The following KPNA5 variants were observed in gnomAD, a reference collection of about 807,000 sequenced individuals.
The protein encoded by KPNA5 is importin subunit alpha-6.
In KPNA5, 46 loss-of-function variants were observed where a neutral mutation model predicts 71.3. The observed-to-expected ratio is 0.65, with a 90% CI of 0.51 to 0.83. The LOEUF (loss-of-function observed/expected upper bound fraction) is 0.83. Ranked by LOEUF, KPNA5 falls within the 40% of genes least tolerant of loss-of-function variation. The pLI, the probability that KPNA5 is intolerant of heterozygous loss-of-function variation, is 0.00. For synonymous variants in KPNA5, 207 were observed against 201.4 expected (o/e 1.03, Z -0.24); for missense variants, 547 against 628.3 (o/e 0.87, Z 1.38).
At chr6:116,683,896 C>CTTTTTTTTTTTT (rs140446065) in intron 1 of KPNA5, among the ~76,000 whole-genome samples, 1 of 59,608 alleles carries the variant, frequency 1.7e-5, no homozygotes, top group Non-Finnish European at 3.6e-5. Flanking sequence ...CGTGCCCGGC[C>CTTTTTTTTTTTT]TTTTTTTTTT....
chr6:116,682,319 T>C (rs1777394634), intron 1 of KPNA5, among the ~76,000 whole-genome samples: 1 of 152,134 alleles, frequency 6.6e-6, no homozygotes, highest in South Asian at 2.1e-4. Flanking sequence ...AGAGCGAGAC[T>C]CTGTCTCAAA....
chr6:116,722,521 G>A (rs1779147478), intron 9 of KPNA5, among the ~76,000 whole-genome samples: 1 of 152,148 alleles, frequency 6.6e-6, no homozygotes, highest in Non-Finnish European at 1.5e-5. Flanking sequence ...TTAGTTTAAT[G>A]TGATCTCTTT....
At chr6:116,707,220 A>G (rs1338400592) in intron 7 of KPNA5, among the ~76,000 whole-genome samples, 2 of 152,126 alleles carry the variant, frequency 1.3e-5, no homozygotes, top group Admixed American at 1.3e-4. Context: ...CACATTTAGT[A>G]ATGCTTAAGT....
intron 4 of KPNA5, among the ~76,000 whole-genome samples, chr6:116,694,052 C>A (rs565922936): frequency 0.02 from 3,104 of 151,520 alleles, 58 homozygotes; most frequent in African/African-American, 0.072. Context: ...GTTGTAGATA[C>A]GTGGCATTAT....
chr6:116,691,619 T>C (rs1267794494), intron 2 of KPNA5, among the ~76,000 whole-genome samples: 1 of 152,240 alleles, frequency 6.6e-6, no homozygotes, highest in Non-Finnish European at 1.5e-5. Context: ...AGATTTGTTT[T>C]CTATTCCTTG....
chr6:116,737,583 CAG>C lies in KPNA5; in HGVS notation c.*5263_*5264del, dbSNP rs2114524949. On this transcript the variant is annotated 3_prime_UTR_variant, in exon 14 of 14. Coordinates refer to ENST00000368564, the MANE Select transcript of KPNA5 (RefSeq NM_001366306.2). ...TCGTGAAACTCTAGGCAGTAAGAGACAGAGCAGTCATAGGGCTCAACTAGTTT... is the reference window on the plus strand; with the variant it reads ...TCGTGAAACTCTAGGCAGTAAGAGACAGCAGTCATAGGGCTCAACTAGTTT... 6.6e-6 allele frequency: 1 copy of C among 152,052 alleles called. No homozygotes were observed. Among genetic ancestry groups the C allele is most frequent in the Admixed American group, 6.6e-5 (1 of 15,188 alleles). 9.4% of individuals were successfully genotyped at this position (152,052 alleles called of 1,614,324 possible). A position where few individuals can be genotyped will look rare whatever the true frequency, so the allele number is the denominator to read the frequency against.
At chr6:116,695,178 G>A (rs983707912) in intron 4 of KPNA5, among the ~76,000 whole-genome samples, 3 of 151,774 alleles carry the variant, frequency 2.0e-5, no homozygotes, top group African/African-American at 4.8e-5. Flanking sequence ...CTCCTCCCAC[G>A]TTTGCCTGCC....
At chr6:116,710,020 A>G (rs150330046) in intron 7 of KPNA5, among the ~76,000 whole-genome samples, 5,088 of 152,164 alleles carry the variant, frequency 0.033, 248 homozygotes, top group African/African-American at 0.11. Context: ...CGACCTCCCA[A>G]GGTGCTGGGA....
At chr6:116,717,892 C>G (rs1034487018) in intron 8 of KPNA5, among the ~76,000 whole-genome samples, 17 of 152,200 alleles carry the variant, frequency 1.1e-4, no homozygotes, top group African/African-American at 3.4e-4. Context: ...TGTGCCCCCC[C>G]CACCGCCAGA....
intron 1 of KPNA5, among the ~76,000 whole-genome samples, chr6:116,684,815 CAG>C (rs1218225112): frequency 6.6e-6 from 1 of 152,110 alleles, no homozygotes; most frequent in African/African-American, 2.4e-5. Flanking sequence ...TGTTTAAAAC[CAG>C]AGTCACTATA....
chr6:116,734,098 A>G lies in KPNA5; in HGVS notation c.*1775A>G, dbSNP rs1304121601. Reference sequence around the variant, plus strand: ...GTATAAAATGGTTTTCTTTTGCATTATCTGTATTCAAAAAACAGGGTAGTT... The same window carrying G: ...GTATAAAATGGTTTTCTTTTGCATTGTCTGTATTCAAAAAACAGGGTAGTT... On this transcript the variant is annotated 3_prime_UTR_variant, in exon 14 of 14. Transcript: ENST00000368564. 2.6e-5 allele frequency: 4 copies of G among 151,704 alleles called. No individual in the cohort carries two copies. Among genetic ancestry groups the G allele is most frequent in the Non-Finnish European group, 5.9e-5 (4 of 67,722 alleles). The allele number at this position is 151,704 out of a possible 1,614,324, so 9.4% of individuals were successfully genotyped here.
chr6:116,707,350 A>G (rs188021282), intron 7 of KPNA5, among the ~76,000 whole-genome samples: 1 of 152,268 alleles, frequency 6.6e-6, no homozygotes, highest in East Asian at 1.9e-4. Context: ...CTATCCTGAT[A>G]CAATTTTGCT....
At position 116,704,968 on chromosome 6, in the gene KPNA5, A is replaced by T. The variant is rs933452694; in HGVS notation, c.568-104A>T. On this transcript the variant is annotated intron_variant, in intron 6 of 13. Coordinates refer to ENST00000368564, the MANE Select transcript of KPNA5 (RefSeq NM_001366306.2). The stretch of plus-strand genomic sequence containing the variant: ...TTCTTTTCTACTGTTTTTTTTTAAC[A>T]TATCAGAAACTGTTGCTTTGTTCAT... 4.7e-6 allele frequency: 3 copies of T among 643,060 alleles called. 1 individual carries two copies. Among genetic ancestry groups the T allele is most frequent in the Non-Finnish European group, 2.6e-6 (1 of 384,102 alleles). 39.8% of individuals were successfully genotyped at this position (643,060 alleles called of 1,614,324 possible). A position where few individuals can be genotyped will look rare whatever the true frequency, so the allele number is the denominator to read the frequency against.
Position 116,692,357 on chromosome 6 carries a change from C to A in KPNA5, c.305C>A (p.Thr102Lys). 6.2e-7 allele frequency: 1 copy of A among 1,604,546 alleles called. No individual in the cohort carries two copies. The highest frequency in any genetic ancestry group is 1.1e-5 in the South Asian group (1 of 87,848). Reference protein sequence around the residue: ...IFSNNADQQLTATQKFRKLLS... With the variant: ...IFSNNADQQLKATQKFRKLLS... ...TCTAATAATGCTGATCAACAGCTAA[C>A]AGCAACACAGAAATTTAGAAAGCTG... is the stretch of plus-strand genomic sequence containing the variant. The change falls in exon 4 of 14, where the codon ACA becomes AAA. Residue 102 changes from threonine (T) to lysine (K), a missense_variant. Transcript: ENST00000368564.
rs1246203044 is a variant in KPNA5 at position 116,722,290 on chromosome 6, G to C, written c.920+1G>C. The C allele has an allele frequency of 6.2e-7, 1 of 1,602,528 alleles. No homozygotes were observed. Reference sequence around the variant, plus strand: ...GTCGAAGATTGGTGGAACTTTTGATGTAACTATAAATAATTTATGCTTAAT... The same window carrying C: ...GTCGAAGATTGGTGGAACTTTTGATCTAACTATAAATAATTTATGCTTAAT... On this transcript the variant is annotated splice_donor_variant, in intron 9 of 13. Coordinates refer to ENST00000368564, the MANE Select transcript of KPNA5 (RefSeq NM_001366306.2). LOFTEE classifies it high-confidence loss of function.
intron 9 of KPNA5, among the ~76,000 whole-genome samples, chr6:116,723,738 A>G (rs1779200797): frequency 1.3e-5 from 2 of 152,236 alleles, no homozygotes. Context: ...TACTTCAGAT[A>G]ATAAGCATCA....
chr6:116,703,633 G>A (rs1778317256), intron 6 of KPNA5, among the ~76,000 whole-genome samples: 1 of 152,172 alleles, frequency 6.6e-6, no homozygotes, highest in East Asian at 1.9e-4. Context: ...TACCAATTAA[G>A]ATCTCCACCA....
intron 10 of KPNA5, among the ~76,000 whole-genome samples, 165 bp downstream of exon 10, chr6:116,724,540 C>A (rs1426256794): frequency 6.6e-6 from 1 of 152,016 alleles, no homozygotes; most frequent in Non-Finnish European, 1.5e-5. Context: ...AGAAGATGTG[C>A]TGTCAAGATT....
Position 116,734,702 on chromosome 6 carries a change from A to G in KPNA5, c.*2379A>G, listed in dbSNP as rs191686424. On this transcript the variant is annotated 3_prime_UTR_variant, in exon 14 of 14. Coordinates refer to ENST00000368564, the MANE Select transcript of KPNA5 (RefSeq NM_001366306.2). Reference sequence around the variant, plus strand: ...TACCATTTAAAATATTTCATCAGGCAGAGCCCTGACCAGGAAAAAAAAAAA... The same window carrying G: ...TACCATTTAAAATATTTCATCAGGCGGAGCCCTGACCAGGAAAAAAAAAAA... 4.7e-5 allele frequency: 7 copies of G among 149,736 alleles called. No homozygotes were observed. The East Asian group carries it at 1.4e-3, about 29-fold the overall frequency. 9.3% of individuals were successfully genotyped at this position (149,736 alleles called of 1,614,324 possible). A position where few individuals can be genotyped will look rare whatever the true frequency, so the allele number is the denominator to read the frequency against.
Sources: gnomAD v4.1 joint callset for allele counts (sites outside exome capture counted in the v4.1 genomes callset) on GRCh38, gnomAD v4.1.1 for gene constraint, MANE v1.5 for transcripts, NCBI Gene and HGNC (gene_info 2026-07-23, HGNC 2026-07-21) for gene names.